MAN1C1: variants seen among roughly 807,000 people sequenced by gnomAD.
The protein encoded by MAN1C1 is mannosidase alpha class 1C member 1.
Under a neutral mutation model 71.5 loss-of-function variants are expected in MAN1C1, and 49 were observed. The observed-to-expected ratio is 0.69, with a 90% CI of 0.54 to 0.87. The LOEUF (loss-of-function observed/expected upper bound fraction) is 0.87, where lower values mean the gene tolerates loss of function less well. Among genes scored for constraint, MAN1C1 ranks in the 40% least tolerant of loss-of-function variants. The pLI, the probability that MAN1C1 is intolerant of heterozygous loss-of-function variation, is 0.00. For synonymous variants in MAN1C1, 352 were observed against 343.7 expected (o/e 1.02, Z -0.27); for missense variants, 743 against 835.0 (o/e 0.89, Z 1.36).
At chr1:25,723,102 A>T (rs2046788383) in intron 2 of MAN1C1, among the ~76,000 whole-genome samples, 1 of 150,462 alleles carries the variant, frequency 6.6e-6, no homozygotes, top group Non-Finnish European at 1.5e-5. Context: ...CTGTGCCGGG[A>T]AATTAATGGA....
chr1:25,617,934 C>T lies in MAN1C1; in HGVS notation c.137C>T (p.Ser46Phe). The change falls in exon 1 of 12, where the codon TCC (serine) becomes TTC (phenylalanine). Residue 46 changes from serine to phenylalanine, a missense_variant. Transcript: ENST00000374332. The surrounding 1 kb of genome is among the most constrained non-coding windows in gnomAD (Gnocchi z 5.1). ...CFGALFLLPH[S>F]SRLKRLFLAP... ...GGGGCCCTCTTCCTGCTGCCCCACT[C>T]CTCTCGCCTCAAGCGCCTCTTCCTG... The T allele has an allele frequency of 1.2e-6, 2 of 1,607,226 alleles. No homozygotes were observed. Among genetic ancestry groups the T allele is most frequent in the Non-Finnish European group, 1.7e-6 (2 of 1,177,564 alleles).
chr1:25,674,655 G>A (rs2046039455), intron 1 of MAN1C1, among the ~76,000 whole-genome samples: 1 of 152,184 alleles, frequency 6.6e-6, no homozygotes, highest in Non-Finnish European at 1.5e-5. Context: ...ACTATTGTGT[G>A]CAAAGGCCCT....
At chr1:25,683,123 A>ACTGT (rs1312949609) in intron 1 of MAN1C1, among the ~76,000 whole-genome samples, 1 of 152,128 alleles carries the variant, frequency 6.6e-6, no homozygotes, top group Non-Finnish European at 1.5e-5. Context: ...GACAGCAGGA[A>ACTGT]CTGTCCATCT....
intron 7 of MAN1C1, among the ~76,000 whole-genome samples, chr1:25,770,439 C>T (rs1022870044): frequency 6.6e-6 from 1 of 152,180 alleles, no homozygotes; most frequent in Admixed American, 6.5e-5. Context: ...TCCCTTGGTC[C>T]TCACATTTGT....
At chr1:25,632,271 G>T (rs1191162045) in intron 1 of MAN1C1, among the ~76,000 whole-genome samples, 1 of 152,116 alleles carries the variant, frequency 6.6e-6, no homozygotes, top group African/African-American at 2.4e-5. Flanking sequence ...AGTTTTCTTA[G>T]ATTTTTCTAG....
rs915665282 is a variant in MAN1C1 at position 25,769,903 on chromosome 1, G to C, written c.1142-1754G>C. Among the ~76,000 whole-genome samples, 13 of 152,142 alleles carry C rather than the reference G, an allele frequency of 8.5e-5. No homozygotes were observed. The highest frequency in any genetic ancestry group is 1.9e-4 in the Non-Finnish European group (13 of 68,016). ...CCTGGCCTTGTTTCACTTAATCCCC[G>C]TGGCCACCCTATGGGGAGGGACCGG... On this transcript the variant is annotated intron_variant, in intron 7 of 11. Transcript: ENST00000374332. The surrounding 1 kb of genome is among the most constrained non-coding windows in gnomAD (Gnocchi z 4.8).
chr1:25,728,161 G>A (rs2046859278), intron 2 of MAN1C1, among the ~76,000 whole-genome samples: 1 of 152,188 alleles, frequency 6.6e-6, no homozygotes, highest in African/African-American at 2.4e-5. Flanking sequence ...TGGAGTGAGA[G>A]TCCCCAGCCT....
At chr1:25,683,344 G>A (rs183885419) in intron 1 of MAN1C1, among the ~76,000 whole-genome samples, 64 of 152,292 alleles carry the variant, frequency 4.2e-4, no homozygotes, top group Middle Eastern at 6.8e-3. Flanking sequence ...TTGTTTGCCT[G>A]TTATATGTCT....
rs551398788 is a variant in MAN1C1, at chr1:25,755,462, T to C, written c.929+1884T>C. ...TGGCATCCATACATGGGCACACACA[T>C]TCACAAACGAATATCCATTTACACA... On this transcript the variant is annotated intron_variant, in intron 5 of 11. Transcript: ENST00000374332. 5.3e-5 allele frequency among the ~76,000 whole-genome samples: 8 copies of C among 152,274 alleles called. No homozygotes were observed. In the South Asian group the frequency reaches 1.2e-3, roughly 24 times the overall value.
intron 1 of MAN1C1, among the ~76,000 whole-genome samples, chr1:25,643,421 A>AT (rs11326338): frequency 0.025 from 2,895 of 115,402 alleles, 52 homozygotes; most frequent in Middle Eastern, 0.049. Flanking sequence ...CGCCTGGCTA[A>AT]TTTTTTTTTT....
intron 2 of MAN1C1, among the ~76,000 whole-genome samples, chr1:25,705,279 A>G (rs1461576753): frequency 1.3e-5 from 2 of 152,256 alleles, no homozygotes; most frequent in African/African-American, 4.8e-5. Flanking sequence ...GAAGAAAGGA[A>G]AGAGAAGATA....
chr1:25,619,973 C>T (rs778191579), intron 1 of MAN1C1, among the ~76,000 whole-genome samples: 1 of 152,200 alleles, frequency 6.6e-6, no homozygotes, highest in Non-Finnish European at 1.5e-5. Flanking sequence ...TAAGAATTAA[C>T]TATCATCTTC....
At chr1:25,690,391 C>G (rs2046292532) in intron 2 of MAN1C1, among the ~76,000 whole-genome samples, 1 of 148,838 alleles carries the variant, frequency 6.7e-6, no homozygotes, top group South Asian at 2.1e-4. Context: ...CTCCCAGGTT[C>G]AAGTGATTCT....
chr1:25,683,037 CAAAAAAA>C (rs1181300274), intron 1 of MAN1C1, among the ~76,000 whole-genome samples: 2 of 98,172 alleles, frequency 2.0e-5, no homozygotes, highest in Non-Finnish European at 4.3e-5. Context: ...GACTCCATCT[CAAAAAAA>C]AAAAAAAAAG....
At chr1:25,643,585 A>ATTT (rs1416708744) in intron 1 of MAN1C1, among the ~76,000 whole-genome samples, 2 of 126,398 alleles carry the variant, frequency 1.6e-5, no homozygotes, top group South Asian at 2.2e-4. Flanking sequence ...ATATATATAT[A>ATTT]TTTATTATTA....
rs956046827 is a variant in MAN1C1 at position 25,778,154 on chromosome 1, T to C, written c.1307T>C (p.Ile436Thr). 2.5e-6 allele frequency: 4 copies of C among 1,604,158 alleles called. No individual in the cohort carries two copies. The highest frequency in any genetic ancestry group is 3.4e-6 in the Non-Finnish European group (4 of 1,173,936). The change falls in exon 9 of 12, where the codon ATT (isoleucine) becomes ACT (threonine). Residue 436 changes from isoleucine to threonine, a missense_variant. Ile to Thr is a moderately conservative substitution (Grantham distance 89). Coordinates refer to ENST00000374332, the MANE Select transcript of MAN1C1 (RefSeq NM_020379.4). The surrounding 1 kb of genome is among the most constrained non-coding windows in gnomAD (Gnocchi z 5.5). Reference sequence around the variant, plus strand: ...GTCTCTCCCGGGGGGCTGACCTACATTGCCGAGTGGCGAGGGGGGATTCTG... The same window carrying C: ...GTCTCTCCCGGGGGGCTGACCTACACTGCCGAGTGGCGAGGGGGGATTCTG... ...LNVSPGGLTY[I>T]AEWRGGILDH...
At position 25,769,183 on chromosome 1, in the gene MAN1C1, C is replaced by A. The variant is rs1263215321; in HGVS notation, c.1142-2474C>A. ...CCACACACACACCCCACACATTACA[C>A]ACACTCGCCTCATGCACACACCCCA... is the stretch of plus-strand genomic sequence containing the variant. On this transcript the variant is annotated intron_variant, in intron 7 of 11. Coordinates refer to ENST00000374332, the MANE Select transcript of MAN1C1 (RefSeq NM_020379.4). This position sits in a 1 kb window ranked among gnomAD's most constrained non-coding sequence, Gnocchi z 4.8. 6.6e-6 allele frequency among the ~76,000 whole-genome samples: 1 copy of A among 150,668 alleles called. No homozygotes were observed. Among genetic ancestry groups the A allele is most frequent in the African/African-American group, 2.4e-5 (1 of 40,836 alleles).
chr1:25,738,419 C>G (rs1209572642), intron 2 of MAN1C1, among the ~76,000 whole-genome samples: 1 of 152,210 alleles, frequency 6.6e-6, no homozygotes, highest in African/African-American at 2.4e-5. Flanking sequence ...CACTTTAATT[C>G]ATCTTCCTAA....
chr1:25,651,880 T>C (rs900925309), intron 1 of MAN1C1, among the ~76,000 whole-genome samples: 1 of 152,196 alleles, frequency 6.6e-6, no homozygotes, highest in Admixed American at 6.5e-5. Flanking sequence ...TCCTGTTCCA[T>C]GTAGGGTGTT....
Sources: gnomAD v4.1 joint callset for allele counts (sites outside exome capture counted in the v4.1 genomes callset) on GRCh38, gnomAD v4.1.1 for gene constraint, Gnocchi (gnomAD v3.1) non-coding constraint, MANE v1.5 for transcripts, NCBI Gene and HGNC (gene_info 2026-07-23, HGNC 2026-07-21) for gene names.